The following TASP1 variants were observed in gnomAD, a reference collection of about 807,000 sequenced individuals.
TASP1 encodes the protein threonine aspartase 1.
TASP1 carries 16 observed loss-of-function variants against 56.6 expected under a neutral mutation model. That is an observed-to-expected ratio of 0.28 (90% CI 0.19 to 0.43). The LOEUF is 0.43. Ranked by LOEUF, TASP1 falls within the 20% of genes least tolerant of loss-of-function variation. The probability of loss-of-function intolerance (pLI) is 1.00; values close to 1 mark genes in which losing one functional copy is unlikely to be tolerated. For missense variants in TASP1, 393 were observed against 511.6 expected (o/e 0.77, Z 2.24); for synonymous variants, 179 against 184.2 (o/e 0.97, Z 0.23).
At chr20:13,515,735 C>T (rs562101292) in intron 10 of TASP1, among the ~76,000 whole-genome samples, 6 of 152,012 alleles carry the variant, frequency 3.9e-5, no homozygotes, top group Non-Finnish European at 5.9e-5. Flanking sequence ...AGCAAAACCC[C>T]GGAATTCCCT....
chr20:13,486,776 C>A (rs780019320), intron 10 of TASP1, among the ~76,000 whole-genome samples: 2 of 152,098 alleles, frequency 1.3e-5, no homozygotes, highest in Admixed American at 1.3e-4. Flanking sequence ...TAGTCTTGTC[C>A]ACTGCCCAAA....
At chr20:13,441,317 C>A (rs893521675) in intron 11 of TASP1, among the ~76,000 whole-genome samples, 4 of 152,174 alleles carry the variant, frequency 2.6e-5, no homozygotes, top group African/African-American at 9.7e-5. Context: ...CAGAAGTGAA[C>A]AAAGCCCCTG....
chr20:13,131,749 T>C, the TASP1 span, among the ~76,000 whole-genome samples: 204 of 152,332 alleles, frequency 1.3e-3, 1 homozygote, highest in Non-Finnish European at 2.4e-3. Context: ...TGCCTTTTTA[T>C]GGCTTCTTCT....
chr20:13,377,998 AT>A, the TASP1 span, among the ~76,000 whole-genome samples: 3 of 151,848 alleles, frequency 2.0e-5, no homozygotes, highest in East Asian at 1.9e-4. Flanking sequence ...CAGTCTATAT[AT>A]TTTGTTAATT....
intron 4 of TASP1, among the ~76,000 whole-genome samples, chr20:13,617,797 T>G (rs1265481139): frequency 6.6e-6 from 1 of 151,846 alleles, no homozygotes; most frequent in East Asian, 1.9e-4. Flanking sequence ...ACAAGAAAAC[T>G]TGTTATAAGT....
At chr20:13,473,935 G>A (rs1487987315) in intron 11 of TASP1, among the ~76,000 whole-genome samples, 1 of 152,150 alleles carries the variant, frequency 6.6e-6, no homozygotes, top group Non-Finnish European at 1.5e-5. Context: ...TTAGCTGGAT[G>A]TGGTGGTAAG....
chr20:13,267,054 C>T, the TASP1 span, among the ~76,000 whole-genome samples: 2 of 152,208 alleles, frequency 1.3e-5, no homozygotes, highest in Non-Finnish European at 2.9e-5. Context: ...ATAATGGCTA[C>T]TCTCAAATCT....
chr20:13,211,787 C>T, the TASP1 span, among the ~76,000 whole-genome samples: 1 of 152,072 alleles, frequency 6.6e-6, no homozygotes, highest in Non-Finnish European at 1.5e-5. Flanking sequence ...GTCAAGTAAA[C>T]AGGCCAAATC....
At chr20:13,181,315 T>C in the TASP1 span, among the ~76,000 whole-genome samples, 1 of 152,198 alleles carries the variant, frequency 6.6e-6, no homozygotes, top group Non-Finnish European at 1.5e-5. Flanking sequence ...AATGAACCCT[T>C]TACGGCAGTC....
At chr20:13,142,467 C>A in the TASP1 span, among the ~76,000 whole-genome samples, 2 of 152,158 alleles carry the variant, frequency 1.3e-5, no homozygotes, top group East Asian at 1.9e-4. Context: ...TCCACACTGG[C>A]CTTTGTTTTT....
chr20:13,451,346 TCTC>T (rs1453720181), intron 11 of TASP1, among the ~76,000 whole-genome samples: 2 of 152,002 alleles, frequency 1.3e-5, no homozygotes, highest in African/African-American at 2.4e-5. Flanking sequence ...GGCACTGACT[TCTC>T]CTGGCCAGCT....
chr20:13,453,753 C>T (rs2043719065), intron 11 of TASP1, among the ~76,000 whole-genome samples: 1 of 152,036 alleles, frequency 6.6e-6, no homozygotes, highest in African/African-American at 2.4e-5. Context: ...GGTCCCAGGT[C>T]ACAGGAAGGT....
chr20:13,263,858 A>G, the TASP1 span, among the ~76,000 whole-genome samples: 1 of 152,266 alleles, frequency 6.6e-6, no homozygotes, highest in Non-Finnish European at 1.5e-5. Context: ...GAGAGGCTGT[A>G]GTGACATTAA....
At chr20:13,320,899 G>A in the TASP1 span, among the ~76,000 whole-genome samples, 1 of 152,108 alleles carries the variant, frequency 6.6e-6, no homozygotes, top group Non-Finnish European at 1.5e-5. Context: ...TGAGGTGATG[G>A]TGGAAATCAT....
rs1167595624 is a variant in TASP1 at position 13,473,966 on chromosome 20, T to C, written c.985+9261A>G. On this transcript the variant is annotated intron_variant, in intron 11 of 13. Transcript: ENST00000337743. Reference sequence around the variant, plus strand: ...GTAAGTGCCTGTAATCCTAGCTACTTAGGAGGCTGAGGCGCAAGGACCGCT... The same window carrying C: ...GTAAGTGCCTGTAATCCTAGCTACTCAGGAGGCTGAGGCGCAAGGACCGCT... Among the ~76,000 whole-genome samples, 4 of 152,016 alleles carry C rather than the reference T, an allele frequency of 2.6e-5. No homozygotes were observed. The East Asian group carries it at 7.7e-4, about 29-fold the overall frequency.
chr20:13,209,104 G>A, the TASP1 span, among the ~76,000 whole-genome samples: 1 of 152,274 alleles, frequency 6.6e-6, no homozygotes, highest in East Asian at 1.9e-4. Context: ...CACTGTCTAT[G>A]AAGCCCCATG....
At chr20:13,104,968 C>T in the TASP1 span, among the ~76,000 whole-genome samples, 8 of 152,120 alleles carry the variant, frequency 5.3e-5, no homozygotes, top group South Asian at 1.7e-3. Context: ...TGGGGATTAA[C>T]ATAATGCAAG....
chr20:13,614,405 C>T (rs1030222492), intron 4 of TASP1, among the ~76,000 whole-genome samples: 3 of 151,660 alleles, frequency 2.0e-5, no homozygotes, highest in Admixed American at 1.3e-4. Context: ...AGTGCCCAAG[C>T]TTTTCTGGAA....
chr20:13,157,934 C>T, the TASP1 span, among the ~76,000 whole-genome samples: 2 of 152,182 alleles, frequency 1.3e-5, no homozygotes, highest in African/African-American at 2.4e-5. Flanking sequence ...TCCACATTTC[C>T]TACTATGCAG....
Sources: allele counts gnomAD v4.1 joint callset (sites outside exome capture counted in the v4.1 genomes callset), GRCh38; gene constraint gnomAD v4.1.1; transcripts MANE v1.5; gene names NCBI Gene and HGNC (gene_info 2026-07-23, HGNC 2026-07-21).